The following HSD17B12 variants were observed in gnomAD, a reference collection of about 807,000 sequenced individuals.
The protein encoded by HSD17B12 is very-long-chain 3-oxoacyl-CoA reductase.
A neutral mutation model predicts 39.3 loss-of-function variants in HSD17B12; 32 were observed. The observed-to-expected ratio is 0.81, with a 90% CI of 0.61 to 1.09. The LOEUF is 1.09. HSD17B12 is among the 50% of genes least tolerant of loss of function. The probability of loss-of-function intolerance (pLI) is 0.00; values close to 1 mark genes in which losing one functional copy is unlikely to be tolerated. For synonymous variants in HSD17B12, 150 were observed against 146.7 expected (o/e 1.02, Z -0.16); for missense variants, 342 against 382.9 (o/e 0.89, Z 0.89).
At chr11:43,819,918 G>A (rs1951164812) in intron 6 of HSD17B12, among the ~76,000 whole-genome samples, 1 of 152,152 alleles carries the variant, frequency 6.6e-6, no homozygotes. Context: ...GTACCTTTGT[G>A]ATGTGTACTT....
chr11:43,619,410 A>G, the HSD17B12 span, among the ~76,000 whole-genome samples: 1 of 138,148 alleles, frequency 7.2e-6, no homozygotes, highest in Non-Finnish European at 1.5e-5. Context: ...TTTTTTTGAG[A>G]TGGAGTCTCC....
chr11:43,718,584 T>A, intron 1 of HSD17B12: 1 of 535,190 alleles, frequency 1.9e-6, no homozygotes, highest in Non-Finnish European at 3.3e-6. Flanking sequence ...GGAAGCACTG[T>A]TCCATAGCAA....
At chr11:43,657,536 G>C in the HSD17B12 span, among the ~76,000 whole-genome samples, 1 of 152,140 alleles carries the variant, frequency 6.6e-6, no homozygotes, top group Non-Finnish European at 1.5e-5. Flanking sequence ...GCAGTGGCTG[G>C]TACCAGTTGT....
the HSD17B12 span, among the ~76,000 whole-genome samples, chr11:43,623,367 A>G: frequency 4.0e-5 from 6 of 151,386 alleles, no homozygotes; most frequent in Non-Finnish European, 7.4e-5. Context: ...AAAGAATGAT[A>G]AGCAAAGCAT....
chr11:43,580,068 G>GC, the HSD17B12 span, among the ~76,000 whole-genome samples: 2 of 39,386 alleles, frequency 5.1e-5, no homozygotes, highest in Non-Finnish European at 8.2e-5. Context: ...GGTACTAATG[G>GC]GGGGGGGGAG....
intron 1 of HSD17B12, among the ~76,000 whole-genome samples, chr11:43,684,902 CT>C (rs1393579099): frequency 1.3e-5 from 2 of 152,226 alleles, no homozygotes; most frequent in East Asian, 3.8e-4. Context: ...AATCTACTTT[CT>C]GTCTACGTAG....
At chr11:43,748,877 T>G (rs573909658) in intron 1 of HSD17B12, among the ~76,000 whole-genome samples, 1 of 152,296 alleles carries the variant, frequency 6.6e-6, no homozygotes, top group East Asian at 1.9e-4. Flanking sequence ...GCAATCTATA[T>G]ATCATGGTAA....
chr11:43,665,330 T>G, the HSD17B12 span, among the ~76,000 whole-genome samples: 2 of 152,174 alleles, frequency 1.3e-5, no homozygotes, highest in Admixed American at 1.3e-4. Context: ...ACGATTCTTG[T>G]GCCTCAGCCT....
intron 3 of HSD17B12, among the ~76,000 whole-genome samples, chr11:43,778,315 A>G (rs2135004080): frequency 6.6e-6 from 1 of 152,346 alleles, no homozygotes; most frequent in Admixed American, 6.5e-5. Flanking sequence ...CAGACCAATA[A>G]CAGGATCTGA....
intron 1 of HSD17B12, among the ~76,000 whole-genome samples, chr11:43,686,599 T>TG (rs1282609373): frequency 6.6e-6 from 1 of 150,538 alleles, no homozygotes; most frequent in Non-Finnish European, 1.5e-5. Flanking sequence ...CACCCTGTTT[T>TG]TTTTTTTTTT....
intron 9 of HSD17B12, among the ~76,000 whole-genome samples, chr11:43,846,645 A>G (rs1044178166): frequency 1.1e-4 from 16 of 152,222 alleles, no homozygotes; most frequent in Non-Finnish European, 2.2e-4. Context: ...AGCCTGGGCA[A>G]CAGAACAAGA....
At chr11:43,736,388 A>T (rs1950316786) in intron 1 of HSD17B12, among the ~76,000 whole-genome samples, 1 of 152,162 alleles carries the variant, frequency 6.6e-6, no homozygotes, top group Non-Finnish European at 1.5e-5. Flanking sequence ...CAAGTAGAAC[A>T]GTCTGCAGTG....
the HSD17B12 span, among the ~76,000 whole-genome samples, chr11:43,656,918 T>C: frequency 7.9e-5 from 12 of 152,176 alleles, no homozygotes; most frequent in Non-Finnish European, 8.8e-5. Flanking sequence ...CTATTAGGTC[T>C]GCTTGGTGCA....
chr11:43,664,240 G>T, the HSD17B12 span, among the ~76,000 whole-genome samples: 1 of 152,168 alleles, frequency 6.6e-6, no homozygotes, highest in Non-Finnish European at 1.5e-5. Flanking sequence ...GCCTAAAAGG[G>T]TGGGATATCT....
chr11:43,836,954 C>T (rs920430403), intron 7 of HSD17B12, among the ~76,000 whole-genome samples: 5 of 152,236 alleles, frequency 3.3e-5, no homozygotes, highest in African/African-American at 1.2e-4. Flanking sequence ...CAAAACCCTC[C>T]TAATATTTTT....
chr11:43,636,874 CAG>C, the HSD17B12 span, among the ~76,000 whole-genome samples: 28 of 152,064 alleles, frequency 1.8e-4, no homozygotes, highest in African/African-American at 6.3e-4. Flanking sequence ...GCTCGATAAT[CAG>C]AGAATTTTCG....
the HSD17B12 span, chr11:43,641,169 T>G: frequency 6.6e-6 from 1 of 151,892 alleles, no homozygotes; most frequent in Non-Finnish European, 1.5e-5. Context: ...AAGCAGGATT[T>G]TTAATTTAAA....
the HSD17B12 span, among the ~76,000 whole-genome samples, chr11:43,626,107 T>C: frequency 6.6e-6 from 1 of 151,666 alleles, no homozygotes; most frequent in African/African-American, 2.4e-5. Context: ...TTTTTATTTT[T>C]AATTTTTTTT....
intron 1 of HSD17B12, among the ~76,000 whole-genome samples, chr11:43,687,319 C>G (rs1314619487): frequency 6.6e-6 from 1 of 152,114 alleles, no homozygotes; most frequent in African/African-American, 2.4e-5. Flanking sequence ...ATTCATTTGC[C>G]CATTTATCCA....
Sources: gnomAD v4.1 joint callset for allele counts (sites outside exome capture counted in the v4.1 genomes callset) on GRCh38, gnomAD v4.1.1 for gene constraint, MANE v1.5 for transcripts, NCBI Gene and HGNC (gene_info 2026-07-23, HGNC 2026-07-21) for gene names.